Variants in STX8 observed in about 807,000 individuals in gnomAD.
STX8 encodes the protein syntaxin-8.
A neutral mutation model predicts 37.5 loss-of-function variants in STX8; 23 were observed. The ratio of observed to expected loss-of-function variants is 0.61; its 90% CI spans 0.44 to 0.87. STX8 has a LOEUF of 0.87. STX8 is among the 40% of genes least tolerant of loss of function. STX8 has a pLI of 0.00. For missense variants in STX8, 313 were observed against 284.7 expected, an observed-to-expected ratio of 1.10 and a Z score of -0.71; for synonymous variants, 115 against 99.1, an observed-to-expected ratio of 1.16 and a Z score of -0.95.
chr17:9,369,645 A>G (rs2142270627), intron 7 of STX8, among the ~76,000 whole-genome samples: 1 of 152,254 alleles, frequency 6.6e-6, no homozygotes, highest in South Asian at 2.1e-4. Flanking sequence ...TAATCCCAGC[A>G]CTTTGGGAGG....
At chr17:9,574,675 CAG>C (rs1264886053) in intron 1 of STX8, among the ~76,000 whole-genome samples, 2 of 152,052 alleles carry the variant, frequency 1.3e-5, no homozygotes, top group Non-Finnish European at 2.9e-5. Flanking sequence ...GCTGGGATTA[CAG>C]GCATGTACTA....
chr17:9,487,928 C>A (rs1906677165), intron 6 of STX8, among the ~76,000 whole-genome samples: 1 of 152,206 alleles, frequency 6.6e-6, no homozygotes, highest in East Asian at 1.9e-4. Flanking sequence ...TCAACAAGGG[C>A]ACTGCTTCTC....
rs11556774 is a variant in STX8, at chr17:9,557,484, C to A, written c.162G>T (p.Lys54Asn). The A allele has an allele frequency of 2.5e-6, 4 of 1,613,996 alleles. No homozygotes were observed. The highest frequency in any genetic ancestry group is 2.5e-6 in the Non-Finnish European group (3 of 1,180,004). Reference sequence around the variant, plus strand: ...GCAATAAGTCCTTCAAAAGGGCGATCTTTTCCTTCAGGTTCTGCAACAAAG... The same window carrying A: ...GCAATAAGTCCTTCAAAAGGGCGATATTTTCCTTCAGGTTCTGCAACAAAG... ...IRALLQNLKE[K>N]IALLKDLLLR... The change falls in exon 3 of 8, where the codon AAG (lysine) becomes AAT (asparagine). Residue 54 changes from lysine (K) to asparagine (N), a missense_variant. Coordinates refer to ENST00000306357, the MANE Select transcript of STX8 (RefSeq NM_004853.3).
At chr17:9,571,488 C>CAGG (rs1907685380) in intron 1 of STX8, among the ~76,000 whole-genome samples, 1 of 148,876 alleles carries the variant, frequency 6.7e-6, no homozygotes, top group Non-Finnish European at 1.5e-5. Context: ...GTAATTGGGT[C>CAGG]GGGGGGTGGC....
At chr17:9,313,247 C>G (rs555141531) in intron 7 of STX8, among the ~76,000 whole-genome samples, 1 of 152,136 alleles carries the variant, frequency 6.6e-6, no homozygotes, top group Admixed American at 6.6e-5. Flanking sequence ...TCAAAATCCT[C>G]AAGGAACATG....
intron 4 of STX8, among the ~76,000 whole-genome samples, chr17:9,538,874 T>TC (rs1327214476): frequency 1.3e-5 from 2 of 152,064 alleles, no homozygotes; most frequent in Non-Finnish European, 2.9e-5. Context: ...TTTTTTTTTT[T>TC]CTCTTTACAG....
intron 6 of STX8, among the ~76,000 whole-genome samples, chr17:9,443,172 G>A (rs544554351): frequency 6.6e-6 from 1 of 152,150 alleles, no homozygotes; most frequent in Non-Finnish European, 1.5e-5. Context: ...TCAAACACAG[G>A]CTTGGGAATG....
At chr17:9,463,226 G>A (rs1334860829) in intron 6 of STX8, among the ~76,000 whole-genome samples, 2 of 152,096 alleles carry the variant, frequency 1.3e-5, no homozygotes, top group Non-Finnish European at 2.9e-5. Context: ...TTTCCCATCT[G>A]TAAAATGGTA....
intron 6 of STX8, among the ~76,000 whole-genome samples, chr17:9,440,426 G>GTT (rs923061459): frequency 6.6e-6 from 1 of 151,766 alleles, no homozygotes; most frequent in Non-Finnish European, 1.5e-5. Flanking sequence ...CACCATCTTA[G>GTT]TTAACACTTC....
At chr17:9,316,525 A>G (rs1455762729) in intron 7 of STX8, among the ~76,000 whole-genome samples, 1 of 152,192 alleles carries the variant, frequency 6.6e-6, no homozygotes, top group Admixed American at 6.5e-5. Flanking sequence ...GGGTTTGGAC[A>G]GCTTCCAGGC....
chr17:9,505,091 G>T lies in STX8; in HGVS notation c.395C>A (p.Thr132Asn). 1 of 1,613,314 alleles carries T rather than the reference G, an allele frequency of 6.2e-7. No homozygotes were observed. Reference sequence around the variant, plus strand: ...GATTTCATCAAAACCCAAGCCTCTGGTCTCCTCTGGCTCCTCAAAGAGCCA... The same window carrying T: ...GATTTCATCAAAACCCAAGCCTCTGTTCTCCTCTGGCTCCTCAAAGAGCCA... ...NPWLFEEPEE[T>N]RGLGFDEIRQ... The change falls in exon 5 of 8, where the codon ACC becomes AAC. Residue 132 changes from threonine to asparagine, a missense_variant. Thr to Asn is a moderately conservative substitution (Grantham distance 65). Coordinates refer to ENST00000306357, the MANE Select transcript of STX8 (RefSeq NM_004853.3).
intron 7 of STX8, among the ~76,000 whole-genome samples, chr17:9,256,636 T>C (rs1906806979): frequency 6.6e-6 from 1 of 152,084 alleles, no homozygotes; most frequent in Admixed American, 6.5e-5. Flanking sequence ...AAAGGCACCA[T>C]TAAAAAGACA....
At chr17:9,288,457 C>A (rs904507863) in intron 7 of STX8, among the ~76,000 whole-genome samples, 1 of 151,558 alleles carries the variant, frequency 6.6e-6, no homozygotes, top group Non-Finnish European at 1.5e-5. Context: ...ATCAAGAGAT[C>A]GAGACCATCC....
Position 9,354,582 on chromosome 17 carries a change from A to G in STX8, c.643+23970T>C, listed in dbSNP as rs964691152. On this transcript the variant is annotated intron_variant, in intron 7 of 7. Coordinates refer to ENST00000306357, the MANE Select transcript of STX8 (RefSeq NM_004853.3). ...TGATCCGCCTGCCTCGGCCTCCCAA[A>G]GTGCTGGGATTACAGGCAGGAGCCA... is the stretch of plus-strand genomic sequence containing the variant. 2.0e-5 allele frequency among the ~76,000 whole-genome samples: 3 copies of G among 151,986 alleles called. No individual in the cohort carries two copies. The South Asian group carries it at 6.2e-4, about 32-fold the overall frequency.
intron 7 of STX8, among the ~76,000 whole-genome samples, chr17:9,376,334 C>G (rs2142280953): frequency 6.6e-6 from 1 of 152,140 alleles, no homozygotes; most frequent in African/African-American, 2.4e-5. Context: ...CACCAACCAG[C>G]ACGCTGTAAA....
At chr17:9,432,942 T>C (rs1326982956) in intron 6 of STX8, among the ~76,000 whole-genome samples, 3 of 152,224 alleles carry the variant, frequency 2.0e-5, no homozygotes, top group East Asian at 1.9e-4. Flanking sequence ...TTTTCCTCCA[T>C]GGAATACTCT....
At chr17:9,288,478 G>C (rs112527140) in intron 7 of STX8, among the ~76,000 whole-genome samples, 4 of 151,582 alleles carry the variant, frequency 2.6e-5, no homozygotes, top group African/African-American at 9.7e-5. Context: ...TGGCTAACGC[G>C]GTGAAACCCC....
intron 7 of STX8, chr17:9,305,591 G>A (rs1262029484): frequency 1.3e-5 from 2 of 152,070 alleles, no homozygotes; most frequent in Admixed American, 6.6e-5. Context: ...TAACTGCATT[G>A]TAAGTTGAGG....
At chr17:9,575,024 C>T (rs1907845224) in intron 1 of STX8, among the ~76,000 whole-genome samples, 1 of 152,110 alleles carries the variant, frequency 6.6e-6, no homozygotes, top group African/African-American at 2.4e-5. Context: ...CGTTATAGAG[C>T]TGTAATATGT....
Sources: gnomAD v4.1 joint callset for allele counts (sites outside exome capture counted in the v4.1 genomes callset) on GRCh38, gnomAD v4.1.1 for gene constraint, MANE v1.5 for transcripts, NCBI Gene and HGNC (gene_info 2026-07-23, HGNC 2026-07-21) for gene names.